The following ERI3 variants were observed in gnomAD, a reference collection of about 807,000 sequenced individuals.
The protein encoded by ERI3 is ERI1 exoribonuclease family member 3.
A neutral mutation model predicts 44.4 loss-of-function variants in ERI3; 18 were observed. That is an observed-to-expected ratio of 0.41 (90% CI 0.28 to 0.60). ERI3 has a LOEUF of 0.60. ERI3 is among the 20% of genes least tolerant of loss of function. ERI3 has a pLI of 0.36. For missense variants in ERI3, 294 were observed against 435.5 expected, an observed-to-expected ratio of 0.68 and a Z score of 2.89; for synonymous variants, 183 against 164.8, an observed-to-expected ratio of 1.11 and a Z score of -0.84.
intron 2 of ERI3, among the ~76,000 whole-genome samples, chr1:44,342,828 T>TATATAAAA (rs71036675): frequency 5.9e-4 from 11 of 18,758 alleles, no homozygotes; most frequent in Non-Finnish European, 9.9e-4. Context: ...TATATATATA[T>TATATAAAA]ATATATATAT....
chr1:44,309,481 C>T (rs765876151), intron 5 of ERI3, among the ~76,000 whole-genome samples: 4 of 151,778 alleles, frequency 2.6e-5, no homozygotes, highest in South Asian at 2.1e-4. Context: ...GGTGACAGAG[C>T]GAGACTCTGT....
At position 44,355,242 on chromosome 1, in the gene ERI3, C is replaced by G; in HGVS notation, c.-216G>C. On this transcript the variant is annotated 5_prime_UTR_variant, in exon 1 of 9. Coordinates refer to ENST00000372257, the MANE Select transcript of ERI3 (RefSeq NM_024066.3). ...ACAGCGGCAGCCAGCACCACGAGTC[C>G]ACAACACACCGACTCACCTCCGCGC... 1.7e-6 allele frequency: 2 copies of G among 1,176,456 alleles called. No homozygotes were observed. The highest frequency in any genetic ancestry group is 2.1e-6 in the Non-Finnish European group (2 of 952,590). The allele number at this position is 1,176,456 out of a possible 1,614,324, so 72.9% of individuals were successfully genotyped here.
At chr1:44,244,775 C>A (rs1379394477) in intron 8 of ERI3, among the ~76,000 whole-genome samples, 1 of 152,096 alleles carries the variant, frequency 6.6e-6, no homozygotes, top group East Asian at 1.9e-4. Context: ...CACAACCATC[C>A]TAGTAGCCCC....
At chr1:44,310,957 G>GCGCGCGCT (rs1645949780) in intron 5 of ERI3, among the ~76,000 whole-genome samples, 1 of 76,722 alleles carries the variant, frequency 1.3e-5, no homozygotes, top group Non-Finnish European at 2.6e-5. Context: ...CACATCGCGC[G>GCGCGCGCT]CGCGCGCACA....
rs777784136 is a variant in ERI3 at position 44,313,331 on chromosome 1, G to C, written c.607-103C>G. The C allele has an allele frequency of 7.6e-5, 83 of 1,088,078 alleles. 1 individual carries two copies. The highest frequency in any genetic ancestry group is 3.7e-5 in the Non-Finnish European group (27 of 728,564). The allele number at this position is 1,088,078 out of a possible 1,614,324, so 67.4% of individuals were successfully genotyped here. A position where few individuals can be genotyped will look rare whatever the true frequency, so the allele number is the denominator to read the frequency against. On this transcript the variant is annotated intron_variant, in intron 4 of 8. Coordinates refer to ENST00000372257, the MANE Select transcript of ERI3 (RefSeq NM_024066.3). ...CTGTTTTTCTCCTTCTGTTGTAAAG[G>C]GCTCTGATCTGGCACTGCTTTAGGT... is the stretch of plus-strand genomic sequence containing the variant.
At chr1:44,349,888 A>T (rs1646856430) in intron 2 of ERI3, among the ~76,000 whole-genome samples, 1 of 152,194 alleles carries the variant, frequency 6.6e-6, no homozygotes, top group African/African-American at 2.4e-5. Flanking sequence ...CTCCTACAAA[A>T]GAAAAGTAGG....
At chr1:44,347,986 A>G (rs1301022713) in intron 2 of ERI3, among the ~76,000 whole-genome samples, 1 of 152,082 alleles carries the variant, frequency 6.6e-6, no homozygotes, top group East Asian at 1.9e-4. Flanking sequence ...TAAGGACCAC[A>G]TTTTATTCCT....
intron 8 of ERI3, chr1:44,243,259 C>T (rs1644481670): frequency 6.6e-6 from 1 of 152,452 alleles, no homozygotes; most frequent in Non-Finnish European, 1.5e-5. Flanking sequence ...GGATCCTTCT[C>T]CATCCCAGAG....
chr1:44,247,936 G>T lies in ERI3; in HGVS notation c.931+3C>A. The T allele has an allele frequency of 6.2e-7, 1 of 1,610,904 alleles. No individual in the cohort carries two copies. The highest frequency in any genetic ancestry group is 1.1e-5 in the South Asian group (1 of 90,378). On this transcript the variant is annotated splice_donor_region_variant and intron_variant, in intron 8 of 8. Transcript: ENST00000372257. ...TGCCGGGGGAATATGCGAAGGGACTGACCAATGCCGCTGTGGGGCCGGCCT... is the reference window on the plus strand; with the variant it reads ...TGCCGGGGGAATATGCGAAGGGACTTACCAATGCCGCTGTGGGGCCGGCCT...
chr1:44,321,914 T>C (rs1318230614), intron 3 of ERI3, among the ~76,000 whole-genome samples: 1 of 152,226 alleles, frequency 6.6e-6, no homozygotes, highest in African/African-American at 2.4e-5. Flanking sequence ...CCATTCATCT[T>C]TGGCTTTTTA....
chr1:44,257,522 G>C (rs1032100713), intron 7 of ERI3, among the ~76,000 whole-genome samples: 13 of 152,220 alleles, frequency 8.5e-5, no homozygotes, highest in Admixed American at 5.9e-4. Flanking sequence ...AAGCCAAACA[G>C]AGAGGCCCAA....
chr1:44,329,247 C>T (rs537861225), intron 3 of ERI3, among the ~76,000 whole-genome samples: 2 of 152,158 alleles, frequency 1.3e-5, no homozygotes, highest in African/African-American at 4.8e-5. Context: ...CCTCTCCAAC[C>T]CTGGCCACAA....
intron 8 of ERI3, among the ~76,000 whole-genome samples, chr1:44,245,805 C>T: frequency 6.6e-6 from 1 of 152,134 alleles, no homozygotes; most frequent in East Asian, 1.9e-4. Context: ...GAAGGGGCAC[C>T]CAGATAAAGT....
intron 7 of ERI3, among the ~76,000 whole-genome samples, chr1:44,260,396 G>A (rs1644870237): frequency 6.6e-6 from 1 of 152,238 alleles, no homozygotes; most frequent in South Asian, 2.1e-4. Flanking sequence ...ATTGAGCAGG[G>A]GCAGGAGTGT....
At chr1:44,273,820 G>A (rs993766583) in intron 7 of ERI3, among the ~76,000 whole-genome samples, 1 of 152,296 alleles carries the variant, frequency 6.6e-6, no homozygotes. Flanking sequence ...GGGGAAAGGC[G>A]ATGTAAGAAA....
At chr1:44,234,021 C>A (rs1053882552) in intron 8 of ERI3, among the ~76,000 whole-genome samples, 2 of 152,046 alleles carry the variant, frequency 1.3e-5, no homozygotes, top group Non-Finnish European at 2.9e-5. Flanking sequence ...CTTCAGTGAC[C>A]CACTCTCACT....
At chr1:44,308,569 G>T (rs777861206) in intron 5 of ERI3, among the ~76,000 whole-genome samples, 168 bp from the exon 6 acceptor site, 1 of 152,146 alleles carries the variant, frequency 6.6e-6, no homozygotes, top group African/African-American at 2.4e-5. Flanking sequence ...TCAGAACCAC[G>T]GAGGCATTTG....
chr1:44,295,235 C>T (rs1351344025), intron 6 of ERI3, among the ~76,000 whole-genome samples: 1 of 152,094 alleles, frequency 6.6e-6, no homozygotes, highest in Non-Finnish European at 1.5e-5. Context: ...GGCTTTTCCC[C>T]ATCTTCAACC....
intron 6 of ERI3, among the ~76,000 whole-genome samples, chr1:44,288,486 C>T (rs185356798): frequency 2.2e-4 from 34 of 152,296 alleles, no homozygotes; most frequent in African/African-American, 7.7e-4. Context: ...CACATCTCTA[C>T]CACACACCCT....
Sources: gnomAD v4.1 joint callset for allele counts (sites outside exome capture counted in the v4.1 genomes callset) on GRCh38, gnomAD v4.1.1 for gene constraint, MANE v1.5 for transcripts, NCBI Gene and HGNC (gene_info 2026-07-23, HGNC 2026-07-21) for gene names.